CAMTA1: variants seen among roughly 807,000 people sequenced by gnomAD.
The protein encoded by CAMTA1 is calmodulin binding transcription activator 1, also known as calmodulin-binding transcription activator 1.
A neutral mutation model predicts 170.9 loss-of-function variants in CAMTA1; 27 were observed. The ratio of observed to expected loss-of-function variants is 0.16; its 90% CI spans 0.12 to 0.22. The LOEUF is 0.22. Ranked by LOEUF, CAMTA1 falls within the 10% of genes least tolerant of loss-of-function variation. The pLI, the probability that CAMTA1 is intolerant of heterozygous loss-of-function variation, is 1.00. For missense variants in CAMTA1, 1,619 were observed against 2,217.2 expected (o/e 0.73, Z 5.42); for synonymous variants, 833 against 891.5 (o/e 0.93, Z 1.17).
intron 4 of CAMTA1, among the ~76,000 whole-genome samples, chr1:7,167,873 C>T (rs959616792): frequency 3.3e-5 from 5 of 152,060 alleles, no homozygotes; most frequent in African/African-American, 9.7e-5. Context: ...CTCAGCCTCC[C>T]GAGTAGCTAG....
chr1:6,831,694 G>A (rs1022016230), intron 3 of CAMTA1, among the ~76,000 whole-genome samples: 2 of 152,000 alleles, frequency 1.3e-5, no homozygotes, highest in South Asian at 2.1e-4. Context: ...TGTTTTTCCT[G>A]TAATACACAG....
chr1:7,262,651 C>T (rs183467992), intron 5 of CAMTA1, among the ~76,000 whole-genome samples: 78 of 152,304 alleles, frequency 5.1e-4, no homozygotes, highest in Non-Finnish European at 9.4e-4. Context: ...TGGGGTTGCT[C>T]TGTTCTCATC....
At chr1:6,866,598 G>A (rs919965890) in intron 3 of CAMTA1, among the ~76,000 whole-genome samples, 4 of 152,144 alleles carry the variant, frequency 2.6e-5, no homozygotes, top group African/African-American at 9.7e-5. Flanking sequence ...AGTGGGTCTA[G>A]ACTATGATAG....
intron 1 of CAMTA1, among the ~76,000 whole-genome samples, chr1:6,804,514 C>T (rs950519410): frequency 3.0e-4 from 46 of 152,152 alleles, no homozygotes; most frequent in African/African-American, 1.1e-3. Context: ...TTGCCTCCTC[C>T]TCCCGGCCCT....
chr1:7,601,300 C>CA (rs1282755346), intron 6 of CAMTA1, among the ~76,000 whole-genome samples: 1 of 151,614 alleles, frequency 6.6e-6, no homozygotes, highest in Non-Finnish European at 1.5e-5. Context: ...CCTCACTTCT[C>CA]AGACGGTGCG....
rs181978262 is a variant in CAMTA1, at chr1:6,982,532, G to C, written c.235-108772G>C. ...ATGGGGGTGGGTGGCACAGCCCTTG[G>C]AACAAGTGTTTCCTGCCTGAATTTC... On this transcript the variant is annotated intron_variant, in intron 3 of 22. Transcript: ENST00000303635. 1.1e-4 allele frequency among the ~76,000 whole-genome samples: 17 copies of C among 152,282 alleles called. No homozygotes were observed. The East Asian group carries it at 2.5e-3, about 22-fold the overall frequency.
At chr1:7,045,484 C>G (rs1010839413) in intron 3 of CAMTA1, among the ~76,000 whole-genome samples, 4 of 152,168 alleles carry the variant, frequency 2.6e-5, no homozygotes, top group African/African-American at 7.2e-5. Flanking sequence ...TTAATTTGTA[C>G]CCCCCAGCAG....
rs555762252 is a variant in CAMTA1, at chr1:6,892,008, A to G, written c.234+66798A>G. ...AGCCCAGGTCCACGTGAGTCATTGT[A>G]CAGACACATCCTGAGCACCAGCCCA... On this transcript the variant is annotated intron_variant, in intron 3 of 22. Transcript: ENST00000303635. 7.9e-5 allele frequency among the ~76,000 whole-genome samples: 12 copies of G among 152,298 alleles called. No individual in the cohort carries two copies. The South Asian group carries it at 1.2e-3, about 16-fold the overall frequency.
intron 11 of CAMTA1, among the ~76,000 whole-genome samples, chr1:7,730,648 C>T (rs1298810514): frequency 6.6e-6 from 1 of 152,156 alleles, no homozygotes; most frequent in Non-Finnish European, 1.5e-5. Context: ...GTAATCCCAG[C>T]ACTTTGGGAG....
intron 5 of CAMTA1, among the ~76,000 whole-genome samples, chr1:7,466,897 T>C (rs2093224161): frequency 1.3e-5 from 2 of 152,098 alleles, no homozygotes; most frequent in Admixed American, 6.5e-5. Context: ...GGCCCCTCCC[T>C]CCCACTCAGA....
chr1:6,875,154 CA>C (rs1669471824), intron 3 of CAMTA1, among the ~76,000 whole-genome samples: 1 of 152,172 alleles, frequency 6.6e-6, no homozygotes, highest in African/African-American at 2.4e-5. Context: ...CACTTAAATC[CA>C]AGTGCCATTC....
At position 7,511,078 on chromosome 1, in the gene CAMTA1, A is replaced by G. The variant is rs1032595999; in HGVS notation, c.510+43177A>G. On this transcript the variant is annotated intron_variant, in intron 6 of 22. Coordinates refer to ENST00000303635, the MANE Select transcript of CAMTA1 (RefSeq NM_015215.4). ...CCGAGGCATTCTTTCCACAGCCAGA[A>G]ACTCAGCACCTGCTACTGGGTGTCA... Among the ~76,000 whole-genome samples, 28 of 145,612 alleles carry G rather than the reference A, an allele frequency of 1.9e-4. 1 individual carries two copies. Among genetic ancestry groups the G allele is most frequent in the African/African-American group, 6.4e-4 (26 of 40,646 alleles).
chr1:7,628,734 T>C (rs1039287944), intron 6 of CAMTA1, among the ~76,000 whole-genome samples: 1 of 152,070 alleles, frequency 6.6e-6, no homozygotes, highest in African/African-American at 2.4e-5. Context: ...GGAGCAGAAG[T>C]GGGGCGCACG....
chr1:6,955,218 TC>T (rs893829467), intron 3 of CAMTA1, among the ~76,000 whole-genome samples: 2 of 151,976 alleles, frequency 1.3e-5, no homozygotes, highest in African/African-American at 4.8e-5. Flanking sequence ...CCACAGGACC[TC>T]CCCTGGGGGT....
chr1:6,929,329 A>G (rs951777104), intron 3 of CAMTA1, among the ~76,000 whole-genome samples: 4 of 149,284 alleles, frequency 2.7e-5, no homozygotes, highest in African/African-American at 9.9e-5. Flanking sequence ...ATAGGCGCAT[A>G]CCACCATGCC....
At chr1:7,081,161 A>T (rs185568102) in intron 3 of CAMTA1, among the ~76,000 whole-genome samples, 11 of 152,344 alleles carry the variant, frequency 7.2e-5, no homozygotes, top group African/African-American at 2.6e-4. Context: ...CTGTCTCCTG[A>T]GGGTACAGCT....
In CAMTA1 at chr1:7,238,537, A is replaced by G. The variant is rs112397967; in HGVS notation, c.303-10954A>G. 7.5e-3 allele frequency among the ~76,000 whole-genome samples: 1,147 copies of G among 152,354 alleles called. 13 individuals are homozygous for G. The highest frequency in any genetic ancestry group is 0.025 in the African/African-American group (1,053 of 41,590). ...TTCATGGCTCCTTCCCAGGGCTCCC[A>G]GGGGCTCAGCTTGAAACTCTACGCT... On this transcript the variant is annotated intron_variant, in intron 4 of 22. Coordinates refer to ENST00000303635, the MANE Select transcript of CAMTA1 (RefSeq NM_015215.4).
intron 5 of CAMTA1, among the ~76,000 whole-genome samples, chr1:7,256,427 G>GCGGGCACCTATAGTCCCAGCTACT (rs1667374184): frequency 6.6e-6 from 1 of 152,186 alleles, no homozygotes; most frequent in Admixed American, 6.5e-5. Context: ...GGGCATGGTG[G>GCGGGCACCTATAGTCCCAGCTACT]CGGGCACCTA....
rs940435876 is a variant in CAMTA1, at chr1:7,007,237, G to A, written c.235-84067G>A. Among the ~76,000 whole-genome samples, 1 of 152,118 alleles carries A rather than the reference G, an allele frequency of 6.6e-6. No homozygotes were observed. Among genetic ancestry groups the A allele is most frequent in the Non-Finnish European group, 1.5e-5 (1 of 68,030 alleles). ...GTGGGGAGCATCGACCAGGAGAGGG[G>A]TCCACATTGTCACAGCAGCTTGGAG... On this transcript the variant is annotated intron_variant, in intron 3 of 22. Coordinates refer to ENST00000303635, the MANE Select transcript of CAMTA1 (RefSeq NM_015215.4). The surrounding 1 kb of genome is among the most constrained non-coding windows in gnomAD (Gnocchi z 4.5).
Sources: gnomAD v4.1 joint callset for allele counts (sites outside exome capture counted in the v4.1 genomes callset) on GRCh38, gnomAD v4.1.1 for gene constraint, Gnocchi (gnomAD v3.1) non-coding constraint, MANE v1.5 for transcripts, NCBI Gene and HGNC (gene_info 2026-07-23, HGNC 2026-07-21) for gene names.